Variants in FOXP1 observed in about 807,000 individuals in gnomAD.
FOXP1 encodes the protein forkhead box protein P1.
A neutral mutation model predicts 98.2 loss-of-function variants in FOXP1; 15 were observed. That is an observed-to-expected ratio of 0.15 (90% CI 0.10 to 0.24). The LOEUF (loss-of-function observed/expected upper bound fraction) is 0.24, where lower values mean the gene tolerates loss of function less well. FOXP1 is among the 10% of genes least tolerant of loss of function. FOXP1 has a pLI of 1.00. For missense variants in FOXP1, 633 were observed against 848.5 expected (o/e 0.75, Z 3.15); for synonymous variants, 371 against 314.5 (o/e 1.18, Z -1.90).
rs1468450228 is a variant in FOXP1 at position 71,130,574 on chromosome 3, TCTGG to T, written c.181-17941_181-17938del. The stretch of plus-strand genomic sequence containing the variant: ...TTCCGTCTTCTTGCTGTAGATGGGT[TCTGG>T]CTGTTTCTGCGAAGCGGGGGTTGCC... On this transcript the variant is annotated intron_variant, in intron 6 of 20. Coordinates refer to ENST00000649528, the MANE Select transcript of FOXP1 (RefSeq NM_001349338.3). 3.1e-6 allele frequency: 5 copies of T among 1,598,298 alleles called. No homozygotes were observed. The African/African-American group carries it at 6.7e-5, about 21-fold the overall frequency.
chr3:71,404,718 T>C (rs1403031650), intron 3 of FOXP1, among the ~76,000 whole-genome samples: 1 of 152,218 alleles, frequency 6.6e-6, no homozygotes, highest in Non-Finnish European at 1.5e-5. Context: ...GGCAAATTAA[T>C]TGTATACTTT....
intron 5 of FOXP1, among the ~76,000 whole-genome samples, chr3:71,223,935 G>A (rs1042301838): frequency 3.3e-5 from 5 of 152,134 alleles, no homozygotes; most frequent in Admixed American, 2.6e-4. Flanking sequence ...ATGGAAGGAT[G>A]GAGAGTCTAG....
chr3:71,470,692 C>T (rs1193406662), intron 3 of FOXP1, among the ~76,000 whole-genome samples: 1 of 152,122 alleles, frequency 6.6e-6, no homozygotes, highest in African/African-American at 2.4e-5. Context: ...GAGCAGATAT[C>T]ACACCACTGC....
intron 2 of FOXP1, among the ~76,000 whole-genome samples, chr3:71,498,470 C>G (rs2041070610): frequency 6.6e-6 from 1 of 152,188 alleles, no homozygotes; most frequent in African/African-American, 2.4e-5. Context: ...TGCCCTGGAA[C>G]TTGCCTGCAC....
At chr3:71,071,312 C>A (rs944478556) in intron 7 of FOXP1, among the ~76,000 whole-genome samples, 1 of 152,126 alleles carries the variant, frequency 6.6e-6, no homozygotes, top group South Asian at 2.1e-4. Flanking sequence ...CAGTCTTTGA[C>A]GGTTCATGTA....
chr3:71,411,589 T>A (rs1169054580), intron 3 of FOXP1, among the ~76,000 whole-genome samples: 1 of 152,208 alleles, frequency 6.6e-6, no homozygotes, highest in Non-Finnish European at 1.5e-5. Flanking sequence ...CCCAAAGTGC[T>A]AGGATTACAG....
intron 6 of FOXP1, among the ~76,000 whole-genome samples, chr3:71,178,995 G>A (rs73106143): frequency 0.46 from 67,344 of 147,344 alleles, 16,322 homozygotes; most frequent in African/African-American, 0.62. Flanking sequence ...ATTTGACCCT[G>A]GGAGGCACTC....
At chr3:71,406,632 A>G (rs2082367762) in intron 3 of FOXP1, among the ~76,000 whole-genome samples, 1 of 151,582 alleles carries the variant, frequency 6.6e-6, no homozygotes, top group African/African-American at 2.4e-5. Context: ...CCCCTTCTCA[A>G]GGGGGCAGGT....
intron 6 of FOXP1, among the ~76,000 whole-genome samples, chr3:71,176,934 G>A (rs547111295): frequency 1.3e-5 from 2 of 151,888 alleles, no homozygotes; most frequent in East Asian, 3.9e-4. Context: ...GTGGTGGTGG[G>A]CGCCTGTAGT....
At chr3:71,380,238 G>A (rs531116614) in intron 3 of FOXP1, among the ~76,000 whole-genome samples, 1 of 152,286 alleles carries the variant, frequency 6.6e-6, no homozygotes, top group South Asian at 2.1e-4. Context: ...AGTGGACAGA[G>A]GTCAGGGAGA....
intron 3 of FOXP1, among the ~76,000 whole-genome samples, chr3:71,466,046 T>C (rs368728038): frequency 3.3e-5 from 5 of 152,106 alleles, no homozygotes; most frequent in African/African-American, 1.2e-4. Context: ...GCCAAAAAGG[T>C]TGGGGACCAT....
chr3:71,341,887 A>G (rs1244735477), intron 4 of FOXP1, among the ~76,000 whole-genome samples: 1 of 152,214 alleles, frequency 6.6e-6, no homozygotes, highest in Non-Finnish European at 1.5e-5. Flanking sequence ...GGAATGTTTC[A>G]AAGTTATTTA....
At chr3:71,150,693 G>A (rs1429166370) in intron 6 of FOXP1, among the ~76,000 whole-genome samples, 2 of 152,022 alleles carry the variant, frequency 1.3e-5, no homozygotes, top group African/African-American at 2.4e-5. Flanking sequence ...TTAAATTAAT[G>A]AGTTAAGTTT....
intron 3 of FOXP1, among the ~76,000 whole-genome samples, chr3:71,455,568 G>A (rs1311816179): frequency 6.6e-6 from 1 of 152,086 alleles, no homozygotes; most frequent in Non-Finnish European, 1.5e-5. Flanking sequence ...TGTTGGATGG[G>A]GTGGGATTTC....
At chr3:71,195,673 C>G (rs1306219658) in intron 6 of FOXP1, among the ~76,000 whole-genome samples, 1 of 152,202 alleles carries the variant, frequency 6.6e-6, no homozygotes, top group Non-Finnish European at 1.5e-5. Context: ...AATTTCAGTG[C>G]AACTGTTTAC....
At chr3:71,028,076 C>A (rs1182176592) in intron 11 of FOXP1, among the ~76,000 whole-genome samples, 1 of 152,058 alleles carries the variant, frequency 6.6e-6, no homozygotes, top group East Asian at 1.9e-4. Flanking sequence ...AGAACCGAAG[C>A]ACACACACAA....
chr3:71,207,618 C>G (rs2064146630), intron 5 of FOXP1, among the ~76,000 whole-genome samples: 2 of 152,204 alleles, frequency 1.3e-5, no homozygotes, highest in South Asian at 4.1e-4. Context: ...GGTCATGACC[C>G]TCCAGCCTCC....
At chr3:71,042,799 T>C (rs1259066251) in intron 10 of FOXP1, among the ~76,000 whole-genome samples, 1 of 152,208 alleles carries the variant, frequency 6.6e-6, no homozygotes, top group East Asian at 1.9e-4. Flanking sequence ...TGCCAAGGTC[T>C]AAATTTAATT....
chr3:71,165,256 A>AAC (rs2061345537), intron 6 of FOXP1, among the ~76,000 whole-genome samples: 1 of 151,678 alleles, frequency 6.6e-6, no homozygotes, highest in Admixed American at 6.6e-5. Flanking sequence ...GTAAAAAAAA[A>AAC]AAAAAAAAAA....
Sources: gnomAD v4.1 joint callset for allele counts (sites outside exome capture counted in the v4.1 genomes callset) on GRCh38, gnomAD v4.1.1 for gene constraint, MANE v1.5 for transcripts, NCBI Gene and HGNC (gene_info 2026-07-23, HGNC 2026-07-21) for gene names.